Variants in GDA observed in about 807,000 individuals in gnomAD.
GDA encodes cytoplasmic PSD-95 interactor.
Under a neutral mutation model 59.6 loss-of-function variants are expected in GDA, and 18 were observed. That is an observed-to-expected ratio of 0.30 (90% CI 0.21 to 0.45). GDA has a LOEUF of 0.45. Ranked by LOEUF, GDA falls within the 20% of genes least tolerant of loss-of-function variation. The pLI is 1.00. For synonymous variants in GDA, 201 were observed against 201.1 expected, an observed-to-expected ratio of 1.00 and a Z score of 0.00; for missense variants, 427 against 552.3, an observed-to-expected ratio of 0.77 and a Z score of 2.27.
intron 1 of GDA, among the ~76,000 whole-genome samples, chr9:72,195,245 T>C (rs1327016656): frequency 6.6e-6 from 1 of 152,100 alleles, no homozygotes; most frequent in Non-Finnish European, 1.5e-5. Context: ...GTATCTTCAA[T>C]TGAGAATTTT....
chr9:72,180,040 T>C (rs537101743), intron 1 of GDA, among the ~76,000 whole-genome samples: 169 of 151,982 alleles, frequency 1.1e-3, no homozygotes, highest in African/African-American at 4.0e-3. Context: ...TCATACCAGG[T>C]CTTCAAGGCA....
chr9:72,252,271 C>G (rs41287401), downstream of GDA: 1,087 of 152,586 alleles, frequency 7.1e-3, 5 homozygotes, highest in Non-Finnish European at 0.01. Context: ...TGAATTCTAT[C>G]AATCTGCTGG....
downstream of GDA, among the ~76,000 whole-genome samples, chr9:72,256,635 A>G (rs922728446): frequency 1.3e-5 from 2 of 152,238 alleles, no homozygotes; most frequent in Non-Finnish European, 2.9e-5. Context: ...GCAGCTCATC[A>G]TAAAGACTTG....
chr9:72,198,690 C>T (rs998378756), intron 2 of GDA, among the ~76,000 whole-genome samples: 5 of 151,886 alleles, frequency 3.3e-5, no homozygotes, highest in Middle Eastern at 6.8e-3. Context: ...GATGCCATTG[C>T]ATTACTGGTA....
rs78837995 is a variant in GDA at position 72,143,564 on chromosome 9, C to A, written c.-100+28731C>A. 8.7e-3 allele frequency among the ~76,000 whole-genome samples: 1,329 copies of A among 152,288 alleles called. 21 individuals are homozygous for A. The highest frequency in any genetic ancestry group is 0.03 in the African/African-American group (1,265 of 41,552). ...CAGCTGCCTACATACTACTTAAAAC[C>A]TTCCAGCCAGAAAAATATCTCCCTG... On this transcript the variant is annotated intron_variant, in intron 1 of 13. Transcript: ENST00000545168.
chr9:72,234,338 A>G (rs567497284), intron 10 of GDA, among the ~76,000 whole-genome samples: 1 of 152,310 alleles, frequency 6.6e-6, no homozygotes, highest in South Asian at 2.1e-4. Context: ...GTTTTTTTGC[A>G]AAATAGTTAA....
intron 10 of GDA, among the ~76,000 whole-genome samples, chr9:72,233,792 C>T (rs1484177806): frequency 1.3e-5 from 2 of 151,966 alleles, no homozygotes; most frequent in Non-Finnish European, 2.9e-5. Flanking sequence ...AAATACAAAA[C>T]TTAGCTGGGC....
rs368477963 is a variant in GDA, at chr9:72,154,892, C to T, written c.123+5210C>T. Among the ~76,000 whole-genome samples, 6 of 152,310 alleles carry T rather than the reference C, an allele frequency of 3.9e-5. No individual in the cohort carries two copies. The South Asian group carries it at 8.3e-4, about 21-fold the overall frequency. On this transcript the variant is annotated intron_variant, in intron 1 of 13. Coordinates refer to ENST00000358399, the MANE Select transcript of GDA (RefSeq NM_004293.5). ...AAAAGTGACTCATTCCTGAGCCAAA[C>T]ACTGGGGTTTTCACCGGAGATAAAT... is the stretch of plus-strand genomic sequence containing the variant.
At chr9:72,139,548 A>G (rs1309953701) in intron 1 of GDA, among the ~76,000 whole-genome samples, 1 of 152,166 alleles carries the variant, frequency 6.6e-6, no homozygotes, top group Admixed American at 6.5e-5. Flanking sequence ...GGCCAAGTGC[A>G]GTAGCTTACA....
At chr9:72,181,133 T>G (rs1831151972) in intron 1 of GDA, among the ~76,000 whole-genome samples, 1 of 152,204 alleles carries the variant, frequency 6.6e-6, no homozygotes, top group Non-Finnish European at 1.5e-5. Flanking sequence ...TTTTACTTAT[T>G]TTTTTGAAGT....
At chr9:72,237,978 A>C (rs1331293151) in intron 10 of GDA, among the ~76,000 whole-genome samples, 1 of 152,034 alleles carries the variant, frequency 6.6e-6, no homozygotes, top group East Asian at 1.9e-4. Context: ...CTTCCAGTCC[A>C]TTGTGATTTA....
At chr9:72,137,339 C>T (rs1326273970) in intron 1 of GDA, among the ~76,000 whole-genome samples, 8 of 150,054 alleles carry the variant, frequency 5.3e-5, no homozygotes, top group South Asian at 2.1e-4. Flanking sequence ...CTCCACCTCC[C>T]GGGTTCACAC....
In GDA at chr9:72,249,045, G is replaced by C; in HGVS notation, c.*703G>C. The stretch of plus-strand genomic sequence containing the variant: ...TGCTTCAAAGTGTTTGACAGAAGTT[G>C]GGTATTAAAGATTTAAAGTCTCTTA... On this transcript the variant is annotated 3_prime_UTR_variant, in exon 14 of 14. Coordinates refer to ENST00000358399, the MANE Select transcript of GDA (RefSeq NM_004293.5). 5.1e-6 allele frequency: 5 copies of C among 984,670 alleles called. No individual in the cohort carries two copies. The highest frequency in any genetic ancestry group is 6.0e-6 in the Non-Finnish European group (5 of 828,910). The allele number at this position is 984,670 out of a possible 1,614,324, so 61.0% of individuals were successfully genotyped here. A position where few individuals can be genotyped will look rare whatever the true frequency, so the allele number is the denominator to read the frequency against.
At chr9:72,198,253 G>T (rs1490766199) in intron 2 of GDA, among the ~76,000 whole-genome samples, 4 of 149,202 alleles carry the variant, frequency 2.7e-5, no homozygotes, top group African/African-American at 9.9e-5. Context: ...AATTAGCCAG[G>T]TGTGGGCCGG....
chr9:72,240,950 A>C (rs1839542191), intron 10 of GDA, among the ~76,000 whole-genome samples: 1 of 152,250 alleles, frequency 6.6e-6, no homozygotes, highest in Non-Finnish European at 1.5e-5. Context: ...GTAGGAAACT[A>C]ATACAAGTAT....
chr9:72,136,968 G>T (rs1826249128), intron 1 of GDA, among the ~76,000 whole-genome samples: 2 of 151,612 alleles, frequency 1.3e-5, no homozygotes, highest in African/African-American at 4.9e-5. Context: ...GGCAGACAGG[G>T]TGAGACTCCG....
intron 2 of GDA, among the ~76,000 whole-genome samples, chr9:72,200,155 G>A (rs1051381546): frequency 5.3e-5 from 8 of 151,710 alleles, no homozygotes; most frequent in African/African-American, 1.5e-4. Context: ...CTGCCACCAC[G>A]CCTGGCTAAT....
chr9:72,210,606 C>A, intron 3 of GDA, 81 bp from the exon 4 acceptor site: 1 of 773,438 alleles, frequency 1.3e-6, no homozygotes, highest in South Asian at 1.6e-5. Flanking sequence ...AAATTAAAAA[C>A]TAAAATTCTG....
intron 12 of GDA, among the ~76,000 whole-genome samples, chr9:72,247,087 A>G (rs1231686357): frequency 6.6e-6 from 1 of 152,116 alleles, no homozygotes; most frequent in Non-Finnish European, 1.5e-5. Flanking sequence ...CTTACATCAT[A>G]CCCGTCTTGA....
Sources: allele counts gnomAD v4.1 joint callset (sites outside exome capture counted in the v4.1 genomes callset), GRCh38; gene constraint gnomAD v4.1.1; transcripts MANE v1.5; gene names NCBI Gene and HGNC (gene_info 2026-07-23, HGNC 2026-07-21).